The following SNAP47 variants were observed in gnomAD, a reference collection of about 807,000 sequenced individuals.
SNAP47 encodes the protein synaptosome associated protein 47, also known as synaptosomal-associated protein 47.
In SNAP47, 20 loss-of-function variants were observed where a neutral mutation model predicts 31.4. That is an observed-to-expected ratio of 0.64 (90% CI 0.45 to 0.93). The LOEUF (loss-of-function observed/expected upper bound fraction) is 0.93, where lower values mean the gene tolerates loss of function less well. SNAP47 is among the 40% of genes least tolerant of loss of function. The pLI is 0.00. For synonymous variants in SNAP47, 194 were observed against 213.4 expected, an observed-to-expected ratio of 0.91 and a Z score of 0.79; for missense variants, 492 against 528.5, an observed-to-expected ratio of 0.93 and a Z score of 0.68.
At chr1:227,760,620 G>T (rs1232100865) in intron 3 of SNAP47, among the ~76,000 whole-genome samples, 1 of 152,212 alleles carries the variant, frequency 6.6e-6, no homozygotes, top group Non-Finnish European at 1.5e-5. Context: ...CCATGGTCCT[G>T]CCCGTCTGAT....
In SNAP47 at chr1:227,747,807, C is replaced by G; in HGVS notation, c.71C>G (p.Thr24Ser). 6.2e-7 allele frequency: 1 copy of G among 1,614,208 alleles called. No individual in the cohort carries two copies. Among genetic ancestry groups the G allele is most frequent in the South Asian group, 1.1e-5 (1 of 91,074 alleles). Residue 24 changes from threonine to serine, a missense_variant, in exon 2 of 5, where the codon ACT becomes AGT. Physicochemically the swap from Thr to Ser is moderately conservative, Grantham distance 58. Coordinates refer to ENST00000617596, the MANE Select transcript of SNAP47 (RefSeq NM_053052.4). Reference sequence around the variant, plus strand: ...CTGGAGCCCAAGAGGCGATGGGTTACTGGACAGCTGTCCTTAACATCGCTG... The same window carrying G: ...CTGGAGCCCAAGAGGCGATGGGTTAGTGGACAGCTGTCCTTAACATCGCTG... ...YYLEPKRRWV[T>S]GQLSLTSLSL... is the part of the protein sequence containing the mutation.
intron 4 of SNAP47, among the ~76,000 whole-genome samples, chr1:227,774,707 G>A (rs530998422): frequency 6.6e-6 from 1 of 152,364 alleles, no homozygotes; most frequent in South Asian, 2.1e-4. Context: ...CCAACCTCTT[G>A]AAAGAGCCAC....
intron 1 of SNAP47, among the ~76,000 whole-genome samples, chr1:227,729,323 G>C (rs1345843660): frequency 6.6e-6 from 1 of 152,152 alleles, no homozygotes; most frequent in Non-Finnish European, 1.5e-5. Flanking sequence ...TGGACATCTT[G>C]GTCCCTACCC....
At chr1:227,732,464 G>A (rs184539341), upstream of SNAP47, 220 of 1,613,310 alleles carry the variant, frequency 1.4e-4, 1 homozygote, top group East Asian at 1.6e-3. Context: ...GTGAGAACGC[G>A]CTGGTGTCCA....
At chr1:227,775,976 C>A (rs989339543) in intron 4 of SNAP47, 2 of 1,266,874 alleles carry the variant, frequency 1.6e-6, no homozygotes, top group Admixed American at 5.0e-5. Flanking sequence ...ATCCTCCTCA[C>A]GGATGTGTTG....
At chr1:227,740,524 C>G (rs1249778942) in intron 1 of SNAP47, among the ~76,000 whole-genome samples, 1 of 152,088 alleles carries the variant, frequency 6.6e-6, no homozygotes, top group Non-Finnish European at 1.5e-5. Context: ...AGATTGTTTC[C>G]TGGAGATTGA....
chr1:227,761,319 A>G (rs11802368), intron 3 of SNAP47, among the ~76,000 whole-genome samples: 3,227 of 152,332 alleles, frequency 0.021, 98 homozygotes, highest in African/African-American at 0.072. Flanking sequence ...ATTGAGTCCC[A>G]TGAGCCCCAG....
At chr1:227,774,587 G>T (rs1023190262) in intron 4 of SNAP47, among the ~76,000 whole-genome samples, 17 of 151,958 alleles carry the variant, frequency 1.1e-4, no homozygotes, top group African/African-American at 4.1e-4. Context: ...GGACCGGGCC[G>T]CAGCGCGCAG....
intron 1 of SNAP47, among the ~76,000 whole-genome samples, chr1:227,739,626 T>A (rs1661458174): frequency 1.3e-5 from 2 of 152,228 alleles, no homozygotes; most frequent in South Asian, 4.1e-4. Flanking sequence ...CTGCGGAAAT[T>A]AACTAAAAAT....
chr1:227,743,025 C>T (rs1661715928), intron 1 of SNAP47, among the ~76,000 whole-genome samples: 1 of 152,168 alleles, frequency 6.6e-6, no homozygotes, highest in Admixed American at 6.5e-5. Flanking sequence ...CCACTGGGCC[C>T]TTGCTGTGAC....
chr1:227,733,559 A>G (rs1660820933), upstream of SNAP47: 2 of 1,606,466 alleles, frequency 1.2e-6, no homozygotes, highest in Non-Finnish European at 1.7e-6. Context: ...GTCGTAGGGC[A>G]GGTTGCCGTG....
chr1:227,732,632 G>A (rs1660738496), upstream of SNAP47: 6 of 1,613,356 alleles, frequency 3.7e-6, no homozygotes, highest in Non-Finnish European at 5.1e-6. Context: ...TGAGGAAGTG[G>A]TAAAACTCTT....
intron 3 of SNAP47, 155 bp downstream of exon 3, chr1:227,759,640 C>T: frequency 1.1e-6 from 1 of 901,432 alleles, no homozygotes; most frequent in Non-Finnish European, 1.7e-6. Flanking sequence ...TACATAAAAA[C>T]AATTCCAGAC....
Position 227,760,376 on chromosome 1 carries a change from A to C in SNAP47, c.988+891A>C, listed in dbSNP as rs149328643. Among the ~76,000 whole-genome samples, 8 of 152,292 alleles carry C rather than the reference A, an allele frequency of 5.3e-5. No individual in the cohort carries two copies. The East Asian group carries it at 1.5e-3, about 29-fold the overall frequency. On this transcript the variant is annotated intron_variant, in intron 3 of 4. Coordinates refer to ENST00000617596, the MANE Select transcript of SNAP47 (RefSeq NM_053052.4). ...TAGCCTGGCGCCCAAACATGCTATT[A>C]GGGATCTGTGTGTTGGAGAACTGTG...
chr1:227,751,912 C>T (rs887418307), intron 2 of SNAP47, among the ~76,000 whole-genome samples: 18 of 151,734 alleles, frequency 1.2e-4, no homozygotes, highest in Non-Finnish European at 1.9e-4. Flanking sequence ...TGCAGGTGCC[C>T]GCTACCGCGC....
intron 2 of SNAP47, among the ~76,000 whole-genome samples, chr1:227,749,945 C>G (rs1457275767): frequency 6.6e-6 from 1 of 152,156 alleles, no homozygotes; most frequent in Non-Finnish European, 1.5e-5. Flanking sequence ...TGTGATTGTT[C>G]GGAGGAAAGT....
chr1:227,735,449 G>A lies in SNAP47; in HGVS notation c.-96G>A. On this transcript the variant is annotated 5_prime_UTR_variant, in exon 1 of 5. Transcript: ENST00000617596. ...CCGCGGTCTTCACTGCGCAGGCGCC[G>A]AGCGGCCGAGGCGCCGCGGTCGGCT... 1.4e-6 allele frequency: 2 copies of A among 1,449,684 alleles called. No individual in the cohort carries two copies. The highest frequency in any genetic ancestry group is 2.6e-5 in the East Asian group (1 of 37,888). 89.8% of individuals were successfully genotyped at this position (1,449,684 alleles called of 1,614,324 possible). A position where few individuals can be genotyped will look rare whatever the true frequency, so the allele number is the denominator to read the frequency against.
At chr1:227,733,072 C>T, upstream of SNAP47, 3 of 1,601,954 alleles carry the variant, frequency 1.9e-6, no homozygotes, top group Non-Finnish European at 2.6e-6. Context: ...ATGGCAGGTG[C>T]CCCCTGACCA....
intron 2 of SNAP47, among the ~76,000 whole-genome samples, chr1:227,749,331 G>A (rs1662189967): frequency 6.6e-6 from 1 of 152,106 alleles, no homozygotes; most frequent in South Asian, 2.1e-4. Context: ...CTGCTTTCTG[G>A]CTCAGGTAGA....
Sources: gnomAD v4.1 joint callset for allele counts (sites outside exome capture counted in the v4.1 genomes callset) on GRCh38, gnomAD v4.1.1 for gene constraint, MANE v1.5 for transcripts, NCBI Gene and HGNC (gene_info 2026-07-23, HGNC 2026-07-21) for gene names.